KCNIP4: variants seen among roughly 807,000 people sequenced by gnomAD.
KCNIP4 encodes potassium voltage-gated channel interacting protein 4, also known as Kv channel-interacting protein 4.
Under a neutral mutation model 34.0 loss-of-function variants are expected in KCNIP4, and 12 were observed. The observed-to-expected ratio is 0.35, with a 90% CI of 0.23 to 0.57. KCNIP4 has a LOEUF of 0.57. KCNIP4 is among the 20% of genes least tolerant of loss of function. KCNIP4 has a pLI of 0.83. For missense variants in KCNIP4, 238 were observed against 311.7 expected (o/e 0.76, Z 1.78); for synonymous variants, 124 against 102.2 (o/e 1.21, Z -1.29).
chr4:21,172,381 G>A lies in KCNIP4; in HGVS notation c.62-289672C>T, dbSNP rs188377172. 4.6e-5 allele frequency among the ~76,000 whole-genome samples: 7 copies of A among 152,272 alleles called. No homozygotes were observed. The East Asian group carries it at 7.7e-4, about 17-fold the overall frequency. On this transcript the variant is annotated intron_variant, in intron 1 of 8. Transcript: ENST00000382152. ...AATCCATTTAATACTGATATGAACT[G>A]TGTGAGATAGAAAGTAACCTTATTT...
At chr4:21,428,472 G>A (rs1328396919) in intron 1 of KCNIP4, among the ~76,000 whole-genome samples, 1 of 152,018 alleles carries the variant, frequency 6.6e-6, no homozygotes, top group African/African-American at 2.4e-5. Context: ...AGGTTACTTT[G>A]GCCAGCATTA....
At chr4:21,558,507 A>AATAAATAAATAT (rs1553903352) in intron 1 of KCNIP4, among the ~76,000 whole-genome samples, 5 of 151,578 alleles carry the variant, frequency 3.3e-5, no homozygotes, top group South Asian at 2.1e-4. Flanking sequence ...TAAATAAATA[A>AATAAATAAATAT]ATAAATATAT....
chr4:21,234,480 ATATAACG>A (rs1438606403), intron 1 of KCNIP4, among the ~76,000 whole-genome samples: 2 of 106,148 alleles, frequency 1.9e-5, no homozygotes, highest in African/African-American at 8.3e-5. Flanking sequence ...TATATAGTAC[ATATAACG>A]TATATAATAT....
intron 1 of KCNIP4, among the ~76,000 whole-genome samples, chr4:21,093,603 CAT>C (rs1330013830): frequency 5.3e-5 from 8 of 152,204 alleles, no homozygotes; most frequent in East Asian, 1.9e-4. Context: ...AAATCAAACA[CAT>C]GTTTATAAAT....
chr4:20,745,564 T>C (rs1752241210), intron 5 of KCNIP4, among the ~76,000 whole-genome samples: 1 of 152,194 alleles, frequency 6.6e-6, no homozygotes, highest in Non-Finnish European at 1.5e-5. Context: ...ACAATTACTT[T>C]ACTTGTAAAT....
chr4:21,411,216 T>A (rs990413705), intron 1 of KCNIP4, among the ~76,000 whole-genome samples: 4 of 152,132 alleles, frequency 2.6e-5, no homozygotes, highest in African/African-American at 9.7e-5. Flanking sequence ...GCAAAGAGTT[T>A]GTGTTGATGT....
chr4:20,906,669 C>T (rs1727802779), intron 1 of KCNIP4, among the ~76,000 whole-genome samples: 1 of 152,196 alleles, frequency 6.6e-6, no homozygotes, highest in South Asian at 2.1e-4. Flanking sequence ...TTTTTCACCT[C>T]CTAAACATAT....
chr4:21,347,432 C>T (rs1717564638), intron 1 of KCNIP4, among the ~76,000 whole-genome samples: 1 of 152,182 alleles, frequency 6.6e-6, no homozygotes, highest in African/African-American at 2.4e-5. Flanking sequence ...CTTCCTCCCA[C>T]CCTTCAATCT....
intron 1 of KCNIP4, among the ~76,000 whole-genome samples, chr4:21,665,514 C>G (rs540124386): frequency 1.4e-5 from 2 of 142,622 alleles, no homozygotes; most frequent in Non-Finnish European, 3.0e-5. Flanking sequence ...ACAGGGCACC[C>G]CCCCCCCCTC....
intron 1 of KCNIP4, among the ~76,000 whole-genome samples, chr4:21,439,128 C>T (rs892123120): frequency 6.8e-6 from 1 of 147,932 alleles, no homozygotes; most frequent in Non-Finnish European, 1.5e-5. Flanking sequence ...CGCCACTGCA[C>T]TCCAGCATGG....
chr4:21,710,518 T>C (rs979267289), intron 1 of KCNIP4, among the ~76,000 whole-genome samples: 4 of 152,160 alleles, frequency 2.6e-5, no homozygotes, highest in Non-Finnish European at 5.9e-5. Flanking sequence ...TCTCCAATGC[T>C]CACTGCAGAA....
intron 1 of KCNIP4, among the ~76,000 whole-genome samples, chr4:21,066,245 AT>A (rs2108985219): frequency 6.6e-6 from 1 of 152,200 alleles, no homozygotes; most frequent in African/African-American, 2.4e-5. Context: ...TGTGGCTTCC[AT>A]TCAGTTTCAG....
intron 3 of KCNIP4, among the ~76,000 whole-genome samples, chr4:20,765,555 T>C (rs577863119): frequency 6.6e-6 from 1 of 152,340 alleles, no homozygotes; most frequent in South Asian, 2.1e-4. Flanking sequence ...GTGTGCCACA[T>C]ACTCTTTACT....
intron 1 of KCNIP4, among the ~76,000 whole-genome samples, chr4:21,061,018 T>C (rs1743869875): frequency 6.6e-6 from 1 of 152,156 alleles, no homozygotes; most frequent in Non-Finnish European, 1.5e-5. Flanking sequence ...GTCTTTTAAA[T>C]GATCGAATAG....
intron 1 of KCNIP4, among the ~76,000 whole-genome samples, chr4:21,543,899 T>C (rs1737913352): frequency 6.6e-6 from 1 of 152,154 alleles, no homozygotes; most frequent in Middle Eastern, 3.2e-3. Context: ...ATGTTAAATA[T>C]ACTCTTAAAT....
intron 1 of KCNIP4, among the ~76,000 whole-genome samples, chr4:21,353,344 T>C (rs1458449201): frequency 1.3e-5 from 2 of 152,084 alleles, no homozygotes; most frequent in Non-Finnish European, 2.9e-5. Context: ...AATAACAAAC[T>C]TCTCTGAGCT....
chr4:21,673,255 C>T (rs16871708), intron 1 of KCNIP4, among the ~76,000 whole-genome samples: 3,549 of 152,230 alleles, frequency 0.023, 126 homozygotes, highest in African/African-American at 0.067. Flanking sequence ...CGAAATTACC[C>T]GCCTACGGCC....
In KCNIP4 at chr4:21,376,482, T is replaced by G. The variant is rs552030063; in HGVS notation, c.62-493773A>C. 1.9e-3 allele frequency among the ~76,000 whole-genome samples: 284 copies of G among 152,320 alleles called. 14 individuals are homozygous for G. In the South Asian group the frequency reaches 0.058, roughly 31 times the overall value. ...CCATGTTTTTTCATTTACAGTATTC[T>G]TCCTTCTGAACATTCATTCTTCCCC... On this transcript the variant is annotated intron_variant, in intron 1 of 8. Transcript: ENST00000382152.
chr4:20,748,894 G>GTGTATA (rs1160169512), intron 5 of KCNIP4, among the ~76,000 whole-genome samples: 6,451 of 145,066 alleles, frequency 0.044, 183 homozygotes, highest in East Asian at 0.076. Flanking sequence ...GTGTGTGTGT[G>GTGTATA]TATATATATA....
Sources: gnomAD v4.1 joint callset for allele counts (sites outside exome capture counted in the v4.1 genomes callset) on GRCh38, gnomAD v4.1.1 for gene constraint, MANE v1.5 for transcripts, NCBI Gene and HGNC (gene_info 2026-07-23, HGNC 2026-07-21) for gene names.